Variants in CSMD1 observed in about 807,000 individuals in gnomAD.
CSMD1 encodes the protein CUB and Sushi multiple domains 1, also known as CUB and sushi domain-containing protein 1.
In CSMD1, 213 loss-of-function variants were observed where a neutral mutation model predicts 417.5. The observed-to-expected ratio is 0.51, with a 90% CI of 0.46 to 0.57. The LOEUF (loss-of-function observed/expected upper bound fraction) is 0.57. CSMD1 is among the 20% of genes least tolerant of loss of function. The probability of loss-of-function intolerance (pLI) is 0.00; values close to 1 mark genes in which losing one functional copy is unlikely to be tolerated. For missense variants in CSMD1, 6,923 were observed against 4,529.7 expected, an observed-to-expected ratio of 1.53 and a Z score of -15.17; for synonymous variants, 2,862 against 1,736.8, an observed-to-expected ratio of 1.65 and a Z score of -16.11.
At chr8:4,673,003 T>A (rs981246579) in intron 1 of CSMD1, among the ~76,000 whole-genome samples, 1 of 151,202 alleles carries the variant, frequency 6.6e-6, no homozygotes, top group Non-Finnish European at 1.5e-5. Context: ...TATGCATGCA[T>A]ACATGGTGAC....
chr8:4,369,653 G>C (rs1054016851), intron 3 of CSMD1, among the ~76,000 whole-genome samples: 9 of 152,266 alleles, frequency 5.9e-5, no homozygotes, highest in African/African-American at 2.2e-4. Context: ...ACTTAAAATA[G>C]TTGTCTTCTT....
intron 4 of CSMD1, among the ~76,000 whole-genome samples, chr8:4,019,066 A>G (rs1796659118): frequency 6.6e-6 from 1 of 152,182 alleles, no homozygotes; most frequent in African/African-American, 2.4e-5. Flanking sequence ...ATGCTACTCC[A>G]TTTGCTAGAA....
intron 10 of CSMD1, among the ~76,000 whole-genome samples, chr8:3,546,976 G>A (rs941260214): frequency 6.6e-6 from 1 of 152,190 alleles, no homozygotes; most frequent in African/African-American, 2.4e-5. Flanking sequence ...TGGAAGAAGG[G>A]AAGAGCAAAA....
At chr8:3,321,055 A>G (rs1806122579) in intron 23 of CSMD1, among the ~76,000 whole-genome samples, 1 of 151,934 alleles carries the variant, frequency 6.6e-6, no homozygotes, top group Admixed American at 6.6e-5. Flanking sequence ...AAGACACGCA[A>G]CTCTCAATCT....
Position 3,189,898 on chromosome 8 carries a change from G to A in CSMD1, c.5398+14C>T. On this transcript the variant is annotated intron_variant, in intron 34 of 69. Coordinates refer to ENST00000635120, the MANE Select transcript of CSMD1 (RefSeq NM_033225.6). ...CAGAGTTCTGGCGGGCAGCCGCTTAGGGACACTGCTCACCCACACAGCTGG... is the reference window on the plus strand; with the variant it reads ...CAGAGTTCTGGCGGGCAGCCGCTTAAGGACACTGCTCACCCACACAGCTGG... The A allele has an allele frequency of 1.3e-6, 2 of 1,561,528 alleles. No homozygotes were observed. Among genetic ancestry groups the A allele is most frequent in the South Asian group, 1.2e-5 (1 of 84,816 alleles).
At chr8:3,181,825 G>C (rs907093057) in intron 36 of CSMD1, among the ~76,000 whole-genome samples, 1 of 152,158 alleles carries the variant, frequency 6.6e-6, no homozygotes, top group African/African-American at 2.4e-5. Flanking sequence ...TAACCGATTG[G>C]AAAGGGCAAT....
intron 2 of CSMD1, among the ~76,000 whole-genome samples, chr8:4,451,070 C>G (rs1423061513): frequency 6.6e-6 from 1 of 152,062 alleles, no homozygotes; most frequent in East Asian, 1.9e-4. Context: ...TTCAATAAGT[C>G]AGTCAAGCAC....
chr8:4,866,420 A>G (rs754343102), intron 1 of CSMD1, among the ~76,000 whole-genome samples: 25 of 152,036 alleles, frequency 1.6e-4, no homozygotes, highest in Non-Finnish European at 2.4e-4. Flanking sequence ...TTTCTCTAAG[A>G]TAATCTTGAT....
intron 1 of CSMD1, chr8:4,788,430 G>C (rs1797523492): frequency 1.7e-5 from 22 of 1,332,564 alleles, no homozygotes; most frequent in Admixed American, 6.9e-5. Flanking sequence ...GGTCTTGGCT[G>C]TTCAACCACA....
intron 3 of CSMD1, among the ~76,000 whole-genome samples, chr8:4,249,383 C>G (rs1192431786): frequency 6.6e-6 from 1 of 152,100 alleles, no homozygotes; most frequent in African/African-American, 2.4e-5. Context: ...TAGCATATTC[C>G]ACAGAAAACA....
intron 2 of CSMD1, among the ~76,000 whole-genome samples, chr8:4,515,906 G>C (rs1364002098): frequency 1.3e-5 from 2 of 152,132 alleles, no homozygotes; most frequent in African/African-American, 2.4e-5. Context: ...TTTAAAAATA[G>C]CCCAAACTAG....
chr8:3,871,149 C>G (rs528706779), intron 5 of CSMD1, among the ~76,000 whole-genome samples: 1 of 152,064 alleles, frequency 6.6e-6, no homozygotes, highest in Non-Finnish European at 1.5e-5. Context: ...TAATACCTCA[C>G]TCATCATACT....
At chr8:3,842,920 A>C (rs1803227949) in intron 5 of CSMD1, among the ~76,000 whole-genome samples, 1 of 152,148 alleles carries the variant, frequency 6.6e-6, no homozygotes, top group South Asian at 2.1e-4. Flanking sequence ...TTAAAAACGC[A>C]CTGAAGATGT....
intron 3 of CSMD1, among the ~76,000 whole-genome samples, chr8:4,155,379 C>A (rs1283786859): frequency 6.6e-6 from 1 of 152,164 alleles, no homozygotes; most frequent in Non-Finnish European, 1.5e-5. Flanking sequence ...TAATGCTCTG[C>A]TGTAGATCAC....
At chr8:3,221,549 C>T (rs1175198924) in intron 28 of CSMD1, among the ~76,000 whole-genome samples, 1 of 151,700 alleles carries the variant, frequency 6.6e-6, no homozygotes, top group Non-Finnish European at 1.5e-5. Context: ...AACAAACAAA[C>T]AAACAAACAA....
At chr8:4,564,973 G>T (rs1372582317) in intron 2 of CSMD1, among the ~76,000 whole-genome samples, 1 of 152,136 alleles carries the variant, frequency 6.6e-6, no homozygotes, top group Non-Finnish European at 1.5e-5. Context: ...GAATGTGGGT[G>T]CCTTGGCATG....
intron 5 of CSMD1, among the ~76,000 whole-genome samples, chr8:3,785,868 G>T (rs1168855895): frequency 6.6e-6 from 1 of 152,166 alleles, no homozygotes; most frequent in Non-Finnish European, 1.5e-5. Context: ...AATTAAAGAG[G>T]GATATGTCAT....
chr8:4,395,782 G>A lies in CSMD1; in HGVS notation c.415+24171C>T. On this transcript the variant is annotated intron_variant, in intron 3 of 69. Transcript: ENST00000635120. The stretch of plus-strand genomic sequence containing the variant: ...TAAAAAAAAATGCTAAGTGGAAGAA[G>A]AGAATACAATTCAATTATGCATGTG... Among the ~76,000 whole-genome samples, 3 of 152,190 alleles carry A rather than the reference G, an allele frequency of 2.0e-5. No homozygotes were observed. In the East Asian group the frequency reaches 5.8e-4, roughly 29 times the overall value.
intron 1 of CSMD1, among the ~76,000 whole-genome samples, chr8:4,941,587 T>A (rs1483603465): frequency 1.3e-5 from 2 of 149,460 alleles, no homozygotes; most frequent in African/African-American, 2.4e-5. Flanking sequence ...AACAATCAGT[T>A]TTTTTTAATT....
Sources: gnomAD v4.1 joint callset for allele counts (sites outside exome capture counted in the v4.1 genomes callset) on GRCh38, gnomAD v4.1.1 for gene constraint, MANE v1.5 for transcripts, NCBI Gene and HGNC (gene_info 2026-07-23, HGNC 2026-07-21) for gene names.